Variants in PTPN12 observed in about 807,000 individuals in gnomAD.
PTPN12 encodes tyrosine-protein phosphatase non-receptor type 12.
PTPN12 carries 29 observed loss-of-function variants against 97.6 expected under a neutral mutation model. The observed-to-expected ratio is 0.30, with a 90% CI of 0.22 to 0.41. The LOEUF is 0.41. PTPN12 is among the 10% of genes least tolerant of loss of function. PTPN12 has a pLI of 1.00. For missense variants in PTPN12, 819 were observed against 926.0 expected (o/e 0.88, Z 1.50); for synonymous variants, 327 against 300.4 (o/e 1.09, Z -0.91).
chr7:77,627,814 AT>A, intron 13 of PTPN12, 139 bp downstream of exon 13: 1 of 763,252 alleles, frequency 1.3e-6, no homozygotes, highest in Non-Finnish European at 1.9e-6. Context: ...TTAGATACTA[AT>A]TTTTTAATAT....
intron 1 of PTPN12, among the ~76,000 whole-genome samples, chr7:77,570,501 A>ACATC (rs1333023060): frequency 6.6e-6 from 1 of 152,230 alleles, no homozygotes; most frequent in Admixed American, 6.5e-5. Context: ...AGCCCAAAGA[A>ACATC]CATCCCTACT....
chr7:77,595,138 G>GTT (rs1274951332), intron 6 of PTPN12, among the ~76,000 whole-genome samples: 9 of 152,214 alleles, frequency 5.9e-5, no homozygotes, highest in Non-Finnish European at 8.8e-5. Context: ...GATTTGATTA[G>GTT]TAACGACTTG....
rs755413339 is a variant in PTPN12, at chr7:77,560,904, G to GGTAT, written c.100-10173_100-10170dup. ...CGAGACCCTGCTTTCCGTTCTTTGG[G>GGTAT]GTATATACCCAAAAATGGAATTGCT... On this transcript the variant is annotated intron_variant, in intron 1 of 17. Coordinates refer to ENST00000248594, the MANE Select transcript of PTPN12 (RefSeq NM_002835.4). Among the ~76,000 whole-genome samples, 23 of 151,668 alleles carry GGTAT rather than the reference G, an allele frequency of 1.5e-4. No homozygotes were observed. The East Asian group carries it at 3.5e-3, about 23-fold the overall frequency.
chr7:77,595,679 A>T (rs1788001682), intron 6 of PTPN12, among the ~76,000 whole-genome samples: 1 of 152,236 alleles, frequency 6.6e-6, no homozygotes, highest in African/African-American at 2.4e-5. Context: ...CCTTTACAGA[A>T]ATATTTGAAA....
intron 1 of PTPN12, among the ~76,000 whole-genome samples, chr7:77,544,739 T>A (rs1349013853): frequency 1.3e-5 from 2 of 152,254 alleles, no homozygotes; most frequent in East Asian, 1.9e-4. Flanking sequence ...GGCTAGAGAC[T>A]GGGACTTAAT....
In PTPN12 at chr7:77,545,569, C is replaced by T. The variant is rs1036998382; in HGVS notation, c.99+7924C>T. On this transcript the variant is annotated intron_variant, in intron 1 of 17. Transcript: ENST00000248594. ...TCTCTTTCCAGAGAGATTTGATTCC[C>T]TGATTTTTCCCTTCTCAGCTCCCTC... Among the ~76,000 whole-genome samples the T allele has an allele frequency of 2.0e-5, 3 of 151,604 alleles. No homozygotes were observed. In the South Asian group the frequency reaches 6.2e-4, roughly 32 times the overall value.
intron 1 of PTPN12, among the ~76,000 whole-genome samples, chr7:77,554,035 A>C (rs1331859682): frequency 6.6e-6 from 1 of 152,070 alleles, no homozygotes; most frequent in Non-Finnish European, 1.5e-5. Context: ...GGCATGTCAT[A>C]GCTCACTGTA....
At chr7:77,591,036 C>G (rs1486459549) in intron 5 of PTPN12, among the ~76,000 whole-genome samples, 1 of 152,080 alleles carries the variant, frequency 6.6e-6, no homozygotes, top group African/African-American at 2.4e-5. Context: ...GAGACCCTAT[C>G]TAAAAAAAGA....
chr7:77,633,308 G>A (rs1247135558), intron 14 of PTPN12, among the ~76,000 whole-genome samples: 1 of 151,536 alleles, frequency 6.6e-6, no homozygotes, highest in Admixed American at 6.6e-5. Context: ...TTGCAATCTG[G>A]TGTATTTTCA....
chr7:77,619,060 A>G (rs1324097830), intron 12 of PTPN12, among the ~76,000 whole-genome samples: 1 of 152,122 alleles, frequency 6.6e-6, no homozygotes, highest in Non-Finnish European at 1.5e-5. Flanking sequence ...GTAGCTGCTT[A>G]GTCAGTAACA....
At chr7:77,606,561 C>T (rs899523727) in intron 8 of PTPN12, among the ~76,000 whole-genome samples, 2 of 69,186 alleles carry the variant, frequency 2.9e-5, no homozygotes, top group Admixed American at 1.8e-4. Flanking sequence ...TGCGCCCAAC[C>T]CCTTAAAAAT....
Position 77,582,084 on chromosome 7 carries a change from C to CTTTTTTTTTTTTTTTTTTTTTTTTTTT in PTPN12, c.285+583_285+609dup, listed in dbSNP as rs11341609. Among the ~76,000 whole-genome samples the CTTTTTTTTTTTTTTTTTTTTTTTTTTT allele has an allele frequency of 7.6e-5, 4 of 52,868 alleles. 2 individuals carry two copies. The highest frequency in any genetic ancestry group is 1.3e-4 in the Non-Finnish European group (4 of 30,310). 34.7% of individuals were successfully genotyped at this position (52,868 alleles called of 152,430 possible). On this transcript the variant is annotated intron_variant, in intron 3 of 17. Transcript: ENST00000248594. Reference sequence around the variant, plus strand: ...CCCTTTGATGAAAAGCAGTCAAGTTCTTTTTTTTTTTTTTTTTTTTTTTTT... The same window carrying CTTTTTTTTTTTTTTTTTTTTTTTTTTT: ...CCCTTTGATGAAAAGCAGTCAAGTTCTTTTTTTTTTTTTTTTTTTTTTTTTTTTTTTTTTTTTTTTTTTTTTTTTTTT...
intron 1 of PTPN12, among the ~76,000 whole-genome samples, chr7:77,543,164 A>G (rs936617745): frequency 6.6e-6 from 1 of 152,134 alleles, no homozygotes; most frequent in Non-Finnish European, 1.5e-5. Flanking sequence ...TACCTATTCC[A>G]TTTGGCACAT....
chr7:77,538,005 C>T, intron 1 of PTPN12: 1 of 1,033,076 alleles, frequency 9.7e-7, no homozygotes. Flanking sequence ...GTTTCCACAC[C>T]TCCCCGCGCA....
At chr7:77,551,115 C>G (rs940611224) in intron 1 of PTPN12, among the ~76,000 whole-genome samples, 8 of 152,150 alleles carry the variant, frequency 5.3e-5, no homozygotes, top group Non-Finnish European at 8.8e-5. Flanking sequence ...GGCTGGGGTG[C>G]AGGGGCATGA....
At chr7:77,598,022 G>A in intron 7 of PTPN12, 121 bp downstream of exon 7, 1 of 1,299,742 alleles carries the variant, frequency 7.7e-7, no homozygotes, top group Non-Finnish European at 1.0e-6. Context: ...GAGTCCAGGG[G>A]TTCAAGACTA....
chr7:77,628,065 G>A (rs904187279), intron 13 of PTPN12, among the ~76,000 whole-genome samples: 1 of 152,114 alleles, frequency 6.6e-6, no homozygotes, highest in Non-Finnish European at 1.5e-5. Context: ...GCCATATAAT[G>A]TTACTCGTTT....
At chr7:77,605,701 G>A (rs1394843589) in intron 8 of PTPN12, among the ~76,000 whole-genome samples, 2 of 151,652 alleles carry the variant, frequency 1.3e-5, no homozygotes, top group Non-Finnish European at 2.9e-5. Flanking sequence ...GATTACAGGC[G>A]TGAGCCACTG....
chr7:77,637,881 T>G (rs1305281474), intron 16 of PTPN12, among the ~76,000 whole-genome samples: 10 of 125,972 alleles, frequency 7.9e-5, no homozygotes, highest in East Asian at 5.3e-4. Flanking sequence ...AAAAAACAAG[T>G]AGAGTTATTA....
Sources: gnomAD v4.1 joint callset for allele counts (sites outside exome capture counted in the v4.1 genomes callset) on GRCh38, gnomAD v4.1.1 for gene constraint, MANE v1.5 for transcripts, NCBI Gene and HGNC (gene_info 2026-07-23, HGNC 2026-07-21) for gene names.